SHISA9: variants seen among roughly 807,000 people sequenced by gnomAD.
SHISA9 encodes the protein protein shisa-9.
In SHISA9, 13 loss-of-function variants were observed where a neutral mutation model predicts 38.0. That is an observed-to-expected ratio of 0.34 (90% CI 0.22 to 0.54). The LOEUF is 0.54. Ranked by LOEUF, SHISA9 falls within the 20% of genes least tolerant of loss-of-function variation. The probability of loss-of-function intolerance (pLI) is 0.91; values close to 1 mark genes in which losing one functional copy is unlikely to be tolerated. For synonymous variants in SHISA9, 275 were observed against 242.0 expected, an observed-to-expected ratio of 1.14 and a Z score of -1.27; for missense variants, 538 against 575.8, an observed-to-expected ratio of 0.93 and a Z score of 0.67.
the SHISA9 span, among the ~76,000 whole-genome samples, chr16:13,459,010 G>A: frequency 1.1e-4 from 17 of 151,712 alleles, no homozygotes; most frequent in African/African-American, 3.1e-4. Flanking sequence ...GCACCACCAC[G>A]CCTGGCTAAT....
At chr16:13,447,062 A>G in the SHISA9 span, among the ~76,000 whole-genome samples, 9 of 151,830 alleles carry the variant, frequency 5.9e-5, no homozygotes, top group Non-Finnish European at 1.0e-4. Flanking sequence ...GAGAGAAAGA[A>G]AGAATAAAAT....
At chr16:13,107,470 CAG>C (rs1159465085) in intron 2 of SHISA9, among the ~76,000 whole-genome samples, 21 of 76,588 alleles carry the variant, frequency 2.7e-4, no homozygotes, top group African/African-American at 1.4e-3. Context: ...AAAAAAACAA[CAG>C]ACACACACAC....
the SHISA9 span, among the ~76,000 whole-genome samples, chr16:13,276,231 A>G: frequency 7.0e-6 from 1 of 143,636 alleles, no homozygotes; most frequent in African/African-American, 3.0e-5. Flanking sequence ...AGGTCACTGC[A>G]AATGCTGTTA....
At chr16:13,131,913 C>T (rs565748844) in intron 2 of SHISA9, among the ~76,000 whole-genome samples, 35 of 152,280 alleles carry the variant, frequency 2.3e-4, no homozygotes, top group South Asian at 1.4e-3. Context: ...ACGCTGATCC[C>T]GGACTCATGG....
the SHISA9 span, among the ~76,000 whole-genome samples, chr16:13,514,523 A>T: frequency 6.6e-6 from 1 of 152,182 alleles, no homozygotes; most frequent in Admixed American, 6.5e-5. Context: ...CATGGAAGAT[A>T]TATAAAAGAC....
At chr16:12,994,994 T>G (rs1479143619) in intron 2 of SHISA9, among the ~76,000 whole-genome samples, 1 of 152,180 alleles carries the variant, frequency 6.6e-6, no homozygotes, top group Admixed American at 6.5e-5. Flanking sequence ...TTTTATCGCA[T>G]GTAAACAATA....
At chr16:13,075,204 G>A (rs2073566603) in intron 2 of SHISA9, among the ~76,000 whole-genome samples, 1 of 152,192 alleles carries the variant, frequency 6.6e-6, no homozygotes, top group Non-Finnish European at 1.5e-5. Flanking sequence ...TGTGGAAGCA[G>A]AGCAGGGACA....
the SHISA9 span, among the ~76,000 whole-genome samples, chr16:13,423,939 T>C: frequency 6.6e-6 from 1 of 152,222 alleles, no homozygotes; most frequent in Non-Finnish European, 1.5e-5. Flanking sequence ...TCTTCATTCT[T>C]CTACTATCTT....
chr16:12,902,500 A>C lies in SHISA9; in HGVS notation c.436A>C (p.Thr146Pro). Reference protein sequence around the residue: ...ARKDDPLHDPTKDKTNLIVYI... With the variant: ...ARKDDPLHDPPKDKTNLIVYI... Reference sequence around the variant, plus strand: ...CAAGGACGACCCCTTGCACGACCCCACCAAGGACAAGACCAACCTGATCGT... The same window carrying C: ...CAAGGACGACCCCTTGCACGACCCCCCCAAGGACAAGACCAACCTGATCGT... The change falls in exon 1 of 5, where the codon ACC (threonine) becomes CCC (proline). Residue 146 changes from threonine to proline, a missense_variant. Coordinates refer to ENST00000558583, the MANE Select transcript of SHISA9 (RefSeq NM_001145204.3). 1 of 1,551,434 alleles carries C rather than the reference A, an allele frequency of 6.4e-7. No individual in the cohort carries two copies. The highest frequency in any genetic ancestry group is 8.7e-7 in the Non-Finnish European group (1 of 1,146,944).
the SHISA9 span, among the ~76,000 whole-genome samples, chr16:13,383,698 T>G: frequency 6.6e-6 from 1 of 152,166 alleles, no homozygotes; most frequent in Non-Finnish European, 1.5e-5. Flanking sequence ...TCACCCAGGC[T>G]GGAGTGCAGT....
the SHISA9 span, among the ~76,000 whole-genome samples, chr16:13,340,615 G>A: frequency 6.6e-6 from 1 of 152,166 alleles, no homozygotes; most frequent in Non-Finnish European, 1.5e-5. Flanking sequence ...CGGACAGGGG[G>A]ACCCTTTTGA....
chr16:13,224,188 G>C (rs1419708839), intron 4 of SHISA9, among the ~76,000 whole-genome samples: 2 of 152,214 alleles, frequency 1.3e-5, no homozygotes, highest in African/African-American at 2.4e-5. Flanking sequence ...TGGGGAAATA[G>C]AGAGGAAGTC....
At chr16:13,512,459 C>T in the SHISA9 span, among the ~76,000 whole-genome samples, 2 of 152,070 alleles carry the variant, frequency 1.3e-5, no homozygotes, top group Admixed American at 1.3e-4. Context: ...AATGCTATTC[C>T]CATCAGACTA....
chr16:13,090,104 G>A (rs1438039092), intron 2 of SHISA9, among the ~76,000 whole-genome samples: 3 of 152,218 alleles, frequency 2.0e-5, no homozygotes, highest in Non-Finnish European at 4.4e-5. Flanking sequence ...CCATGTAGTT[G>A]TGCAGTTTTG....
At chr16:13,260,229 G>A in the SHISA9 span, among the ~76,000 whole-genome samples, 1 of 151,624 alleles carries the variant, frequency 6.6e-6, no homozygotes, top group African/African-American at 2.4e-5. Context: ...TGTTGGCCAG[G>A]ATGGTCTTGA....
chr16:13,075,230 C>A (rs1395378348), intron 2 of SHISA9, among the ~76,000 whole-genome samples: 2 of 152,190 alleles, frequency 1.3e-5, no homozygotes, highest in East Asian at 1.9e-4. Flanking sequence ...ATTTCCTAAT[C>A]ATCTGCTTGG....
the SHISA9 span, among the ~76,000 whole-genome samples, chr16:13,246,759 G>A: frequency 4.6e-5 from 7 of 152,070 alleles, no homozygotes; most frequent in East Asian, 1.4e-3. Context: ...AGTGTGTTAA[G>A]CACTGAGATT....
At chr16:13,392,562 A>G in the SHISA9 span, among the ~76,000 whole-genome samples, 59 of 152,280 alleles carry the variant, frequency 3.9e-4, no homozygotes, top group African/African-American at 1.4e-3. Context: ...GGCATTACAG[A>G]TCACTTAGAG....
intron 2 of SHISA9, among the ~76,000 whole-genome samples, chr16:13,140,039 G>GTCCCC (rs2050385454): frequency 6.7e-6 from 1 of 149,906 alleles, no homozygotes; most frequent in Non-Finnish European, 1.5e-5. Context: ...CGAGTAGATA[G>GTCCCC]TCCCCTCCCC....
Sources: gnomAD v4.1 joint callset for allele counts (sites outside exome capture counted in the v4.1 genomes callset) on GRCh38, gnomAD v4.1.1 for gene constraint, MANE v1.5 for transcripts, NCBI Gene and HGNC (gene_info 2026-07-23, HGNC 2026-07-21) for gene names.